EPB41L5: variants seen among roughly 807,000 people sequenced by gnomAD.
EPB41L5 encodes the protein erythrocyte membrane protein band 4.1 like 5, also known as band 4.1-like protein 5.
Under a neutral mutation model 106.6 loss-of-function variants are expected in EPB41L5, and 55 were observed. The ratio of observed to expected loss-of-function variants is 0.52; its 90% CI spans 0.42 to 0.65. EPB41L5 has a LOEUF of 0.65. EPB41L5 is among the 30% of genes least tolerant of loss of function. The probability of loss-of-function intolerance (pLI) is 0.00; values close to 1 mark genes in which losing one functional copy is unlikely to be tolerated. For missense variants in EPB41L5, 871 were observed against 882.1 expected (o/e 0.99, Z 0.16); for synonymous variants, 297 against 306.7 (o/e 0.97, Z 0.33).
At chr2:120,028,710 G>A (rs766266694) in intron 2 of EPB41L5, among the ~76,000 whole-genome samples, 11 of 152,146 alleles carry the variant, frequency 7.2e-5, no homozygotes, top group Admixed American at 1.3e-4. Flanking sequence ...TATGGTTGGC[G>A]GGAGGGGAGT....
chr2:120,160,732 A>C, intron 20 of EPB41L5, 149 bp from the exon 21 acceptor site: 2 of 606,866 alleles, frequency 3.3e-6, no homozygotes, highest in Non-Finnish European at 5.9e-6. Flanking sequence ...CATAGTTTGG[A>C]TTTACATTTC....
At chr2:120,102,164 G>A (rs572803238) in intron 16 of EPB41L5, among the ~76,000 whole-genome samples, 40 of 152,300 alleles carry the variant, frequency 2.6e-4, no homozygotes, top group African/African-American at 8.9e-4. Context: ...GGTCTGATTA[G>A]TTGGGATACT....
At chr2:120,122,610 G>A (rs567036384) in intron 16 of EPB41L5, among the ~76,000 whole-genome samples, 7 of 152,302 alleles carry the variant, frequency 4.6e-5, no homozygotes, top group Non-Finnish European at 8.8e-5. Context: ...CAGGTAGCAT[G>A]ATGCCTCCAG....
intron 5 of EPB41L5, chr2:120,074,520 G>T: frequency 5.9e-6 from 1 of 170,596 alleles, no homozygotes; most frequent in Non-Finnish European, 1.2e-5. Flanking sequence ...TCTATCTTTG[G>T]CCACAGGGAG....
chr2:120,110,827 G>A (rs377086780), intron 16 of EPB41L5, among the ~76,000 whole-genome samples: 19 of 151,826 alleles, frequency 1.3e-4, no homozygotes, highest in African/African-American at 4.6e-4. Context: ...GTAGAAACGG[G>A]GCTTCACCAT....
chr2:120,161,348 A>C (rs1200842274), intron 21 of EPB41L5, among the ~76,000 whole-genome samples: 1 of 150,298 alleles, frequency 6.7e-6, no homozygotes, highest in Non-Finnish European at 1.5e-5. Context: ...ACTGCACTCC[A>C]GCCTGAGTAA....
chr2:120,100,291 G>A lies in EPB41L5; in HGVS notation c.1221+5G>A. 1.2e-6 allele frequency: 2 copies of A among 1,612,412 alleles called. No individual in the cohort carries two copies. Among genetic ancestry groups the A allele is most frequent in the Non-Finnish European group, 1.7e-6 (2 of 1,178,780 alleles). ...CAAAGTAATGGCTCCCAACAGGTAA[G>A]ACAATACTAAGCTTCTAAAACACTG... On this transcript the variant is annotated splice_donor_5th_base_variant and intron_variant, in intron 15 of 24. Coordinates refer to ENST00000263713, the MANE Select transcript of EPB41L5 (RefSeq NM_020909.4).
At position 120,176,860 on chromosome 2, in the gene EPB41L5, C is replaced by T. The variant is rs990845836; in HGVS notation, c.*1953C>T. ...GAGGTGACAACATCCTTATTTTAAACTTCCTAAAATTAGGAATTAGGTAGT... is the reference window on the plus strand; with the variant it reads ...GAGGTGACAACATCCTTATTTTAAATTTCCTAAAATTAGGAATTAGGTAGT... On this transcript the variant is annotated 3_prime_UTR_variant, in exon 25 of 25. Coordinates refer to ENST00000263713, the MANE Select transcript of EPB41L5 (RefSeq NM_020909.4). 1 of 152,196 alleles carries T rather than the reference C, an allele frequency of 6.6e-6. No individual in the cohort carries two copies. Among genetic ancestry groups the T allele is most frequent in the Non-Finnish European group, 1.5e-5 (1 of 68,036 alleles). The allele number at this position is 152,196 out of a possible 1,614,324, so 9.4% of individuals were successfully genotyped here. A position where few individuals can be genotyped will look rare whatever the true frequency, so the allele number is the denominator to read the frequency against.
chr2:120,041,861 A>G (rs72952882), intron 2 of EPB41L5, 145 bp from the exon 3 acceptor site: 2 of 509,734 alleles, frequency 3.9e-6, no homozygotes, highest in African/African-American at 1.9e-5. Flanking sequence ...GTAATGTCTT[A>G]TGCATTATCT....
intron 3 of EPB41L5, among the ~76,000 whole-genome samples, chr2:120,047,536 C>G (rs74352246): frequency 0.69 from 104,724 of 151,372 alleles, 37,656 homozygotes; most frequent in Non-Finnish European, 0.79. Context: ...TGCTGAAGTT[C>G]CTTATCAGCT....
At chr2:120,155,986 G>A (rs1445332879) in intron 20 of EPB41L5, among the ~76,000 whole-genome samples, 2 of 152,126 alleles carry the variant, frequency 1.3e-5, no homozygotes, top group Non-Finnish European at 2.9e-5. Flanking sequence ...ACGGACACTC[G>A]AGTTGCAGGG....
At chr2:120,047,975 A>G (rs62169106) in intron 3 of EPB41L5, among the ~76,000 whole-genome samples, 104,553 of 151,292 alleles carry the variant, frequency 0.69, 37,494 homozygotes, top group Non-Finnish European at 0.79. Context: ...ATTGATTGGC[A>G]TATGTTGAAC....
rs1327242810 is a variant in EPB41L5, at chr2:120,178,573, T to C, written c.*3666T>C. On this transcript the variant is annotated 3_prime_UTR_variant, in exon 25 of 25. Transcript: ENST00000263713. ...GACACATTTCTAGATTATTTGTCCT[T>C]TTTATCCTCTCAAAAATTTAAACAC... 1 of 152,246 alleles carries C rather than the reference T, an allele frequency of 6.6e-6. No individual in the cohort carries two copies. Among genetic ancestry groups the C allele is most frequent in the East Asian group, 1.9e-4 (1 of 5,202 alleles). 9.4% of individuals were successfully genotyped at this position (152,246 alleles called of 1,614,324 possible).
intron 10 of EPB41L5, among the ~76,000 whole-genome samples, chr2:120,081,703 A>G (rs1033370039): frequency 1.3e-5 from 2 of 152,174 alleles, no homozygotes; most frequent in Non-Finnish European, 2.9e-5. Flanking sequence ...CTTGGGCAGT[A>G]TGGCTATTTT....
At chr2:120,143,190 T>C in intron 19 of EPB41L5, 59 bp downstream of exon 19, 1 of 1,452,982 alleles carries the variant, frequency 6.9e-7, no homozygotes, top group Non-Finnish European at 9.2e-7. Context: ...ATGTAGAGAG[T>C]TGCCTTCCCC....
chr2:120,125,570 A>G (rs1360138954), intron 16 of EPB41L5, among the ~76,000 whole-genome samples: 1 of 152,108 alleles, frequency 6.6e-6, no homozygotes, highest in African/African-American at 2.4e-5. Flanking sequence ...GCCTTTCTCC[A>G]CTTTCAGAGG....
chr2:120,149,705 T>A (rs1686582001), intron 20 of EPB41L5, among the ~76,000 whole-genome samples: 1 of 152,234 alleles, frequency 6.6e-6, no homozygotes, highest in African/African-American at 2.4e-5. Context: ...CATGTACAAT[T>A]TTGTGTTTGA....
chr2:120,057,992 A>G (rs188016023), intron 3 of EPB41L5, among the ~76,000 whole-genome samples: 1 of 152,322 alleles, frequency 6.6e-6, no homozygotes, highest in African/African-American at 2.4e-5. Context: ...TACATTTTGA[A>G]GGAACAATTT....
chr2:120,121,300 C>G (rs1348492917), intron 16 of EPB41L5, among the ~76,000 whole-genome samples: 2 of 152,270 alleles, frequency 1.3e-5, no homozygotes, highest in East Asian at 3.9e-4. Flanking sequence ...GTTTGCTGCA[C>G]CCATCAACAC....
Sources: allele counts gnomAD v4.1 joint callset (sites outside exome capture counted in the v4.1 genomes callset), GRCh38; gene constraint gnomAD v4.1.1; transcripts MANE v1.5; gene names NCBI Gene and HGNC (gene_info 2026-07-23, HGNC 2026-07-21).